RYK: variants seen among roughly 807,000 people sequenced by gnomAD.
The protein encoded by RYK is receptor like tyrosine kinase, also known as inactive tyrosine-protein kinase RYK.
RYK carries 21 observed loss-of-function variants against 70.2 expected under a neutral mutation model. The observed-to-expected ratio is 0.30, with a 90% CI of 0.21 to 0.43. The LOEUF (loss-of-function observed/expected upper bound fraction) is 0.43. RYK is among the 20% of genes least tolerant of loss of function. The pLI is 1.00. For synonymous variants in RYK, 267 were observed against 278.0 expected, an observed-to-expected ratio of 0.96 and a Z score of 0.39; for missense variants, 604 against 753.3, an observed-to-expected ratio of 0.80 and a Z score of 2.32.
At chr3:134,219,514 A>G (rs955722806) in intron 2 of RYK, among the ~76,000 whole-genome samples, 3 of 152,194 alleles carry the variant, frequency 2.0e-5, no homozygotes, top group African/African-American at 7.2e-5. Flanking sequence ...TTCAAAGTCA[A>G]TAGAAGTACC....
chr3:134,204,596 CACACA>C lies in RYK; in HGVS notation c.644-1727_644-1723del, dbSNP rs1176339536. Among the ~76,000 whole-genome samples, 7 of 84,780 alleles carry C rather than the reference CACACA, an allele frequency of 8.3e-5. No homozygotes were observed. The East Asian group carries it at 7.8e-3, about 94-fold the overall frequency. 55.6% of individuals were successfully genotyped at this position (84,780 alleles called of 152,430 possible). A position where few individuals can be genotyped will look rare whatever the true frequency, so the allele number is the denominator to read the frequency against. On this transcript the variant is annotated intron_variant, in intron 5 of 14. Transcript: ENST00000623711. ...ACCCAATGACACAGCCACAGCCACA[CACACA>C]CACACACACACACACACACACACAC...
At chr3:134,213,238 G>C (rs1420242805) in intron 2 of RYK, among the ~76,000 whole-genome samples, 3 of 152,158 alleles carry the variant, frequency 2.0e-5, no homozygotes, top group Non-Finnish European at 4.4e-5. Context: ...AAAGAAATCA[G>C]CACCGCCAGC....
chr3:134,174,111 T>A (rs965925794), intron 13 of RYK, among the ~76,000 whole-genome samples: 6 of 152,084 alleles, frequency 3.9e-5, no homozygotes, highest in African/African-American at 1.4e-4. Flanking sequence ...AAGAAGGTGG[T>A]ATGAACTTGG....
intron 1 of RYK, among the ~76,000 whole-genome samples, chr3:134,237,014 G>A (rs1413532799): frequency 6.6e-6 from 1 of 152,096 alleles, no homozygotes; most frequent in Non-Finnish European, 1.5e-5. Flanking sequence ...TAGAAAGCAT[G>A]GCATTTTTTC....
At chr3:134,197,511 TTATAG>T (rs1379229134) in intron 6 of RYK, among the ~76,000 whole-genome samples, 1 of 152,240 alleles carries the variant, frequency 6.6e-6, no homozygotes, top group African/African-American at 2.4e-5. Context: ...TGTTACTAAT[TTATAG>T]TATACTACTA....
chr3:134,171,385 C>T (rs760361227), intron 13 of RYK, among the ~76,000 whole-genome samples: 6 of 152,204 alleles, frequency 3.9e-5, no homozygotes, highest in East Asian at 1.9e-4. Context: ...AGAGACTCAA[C>T]GCTCTTGGAG....
intron 3 of RYK, 148 bp downstream of exon 3, chr3:134,211,360 A>G (rs999292961): frequency 1.4e-5 from 7 of 504,576 alleles, no homozygotes; most frequent in Non-Finnish European, 2.4e-5. Flanking sequence ...CACAGTGCAA[A>G]TATTTACAAA....
intron 7 of RYK, 45 bp downstream of exon 7, chr3:134,195,036 AT>A: frequency 7.6e-7 from 1 of 1,322,936 alleles, no homozygotes; most frequent in South Asian, 1.2e-5. Flanking sequence ...GGGAAGCAGC[AT>A]AGACAACTTG....
chr3:134,217,189 A>AG (rs1263101716), intron 2 of RYK, among the ~76,000 whole-genome samples: 1 of 152,242 alleles, frequency 6.6e-6, no homozygotes, highest in Non-Finnish European at 1.5e-5. Flanking sequence ...GACACATATC[A>AG]GGGAGCCTGC....
intron 9 of RYK, among the ~76,000 whole-genome samples, chr3:134,187,120 T>C (rs937436800): frequency 3.3e-5 from 5 of 152,306 alleles, no homozygotes; most frequent in Non-Finnish European, 5.9e-5. Flanking sequence ...TTGAATGATA[T>C]AGTAAATTAA....
chr3:134,233,937 A>C (rs1000986863), intron 1 of RYK, among the ~76,000 whole-genome samples: 1 of 152,198 alleles, frequency 6.6e-6, no homozygotes, highest in Non-Finnish European at 1.5e-5. Context: ...GGTATTCAAT[A>C]AACATCCGGT....
At chr3:134,234,111 A>T (rs534354056) in intron 1 of RYK, among the ~76,000 whole-genome samples, 1 of 152,274 alleles carries the variant, frequency 6.6e-6, no homozygotes, top group African/African-American at 2.4e-5. Context: ...TATGAAAGTT[A>T]AGCTGGAAAA....
chr3:134,215,647 C>A (rs2014527815), intron 2 of RYK, among the ~76,000 whole-genome samples: 1 of 152,188 alleles, frequency 6.6e-6, no homozygotes, highest in Non-Finnish European at 1.5e-5. Context: ...TTTAAAGAAA[C>A]AGATCTGCTC....
chr3:134,229,243 G>A (rs1462140084), intron 1 of RYK, among the ~76,000 whole-genome samples: 2 of 151,538 alleles, frequency 1.3e-5, no homozygotes, highest in African/African-American at 2.4e-5. Flanking sequence ...TGGCTCCCTC[G>A]CCCTCTCTCT....
At chr3:134,199,256 C>G (rs1335096230) in intron 6 of RYK, among the ~76,000 whole-genome samples, 1 of 152,212 alleles carries the variant, frequency 6.6e-6, no homozygotes, top group Non-Finnish European at 1.5e-5. Context: ...GCAGTGGCTC[C>G]TAAGTGCCTG....
intron 9 of RYK, 49 bp from the exon 10 acceptor site, chr3:134,183,120 G>T: frequency 9.2e-7 from 1 of 1,091,536 alleles, no homozygotes; most frequent in Non-Finnish European, 1.3e-6. Flanking sequence ...CTACATATAT[G>T]GCATTAACAT....
chr3:134,159,433 G>T, intron 13 of RYK, 60 bp from the exon 14 acceptor site: 1 of 1,481,252 alleles, frequency 6.8e-7, no homozygotes, highest in East Asian at 2.3e-5. Flanking sequence ...GGGGGCTAGC[G>T]CCCACAGCCA....
intron 1 of RYK, among the ~76,000 whole-genome samples, chr3:134,230,630 T>C (rs1488271975): frequency 6.6e-6 from 1 of 152,164 alleles, no homozygotes; most frequent in Non-Finnish European, 1.5e-5. Flanking sequence ...TTTATGGTGA[T>C]AGAAATCAGG....
In RYK at chr3:134,158,041, G is replaced by T; in HGVS notation, c.*112C>A. The T allele has an allele frequency of 2.2e-6, 1 of 456,666 alleles. No homozygotes were observed. Among genetic ancestry groups the T allele is most frequent in the Non-Finnish European group, 3.7e-6 (1 of 268,934 alleles). The allele number at this position is 456,666 out of a possible 1,614,324, so 28.3% of individuals were successfully genotyped here. On this transcript the variant is annotated 3_prime_UTR_variant, in exon 15 of 15. Coordinates refer to ENST00000623711, the MANE Select transcript of RYK (RefSeq NM_002958.4). ...AAGCATTTCTAAGGCACGGTGTTCT[G>T]GAAGACAAATGTGCTTCTGTTGGCG...
Sources: gnomAD v4.1 joint callset for allele counts (sites outside exome capture counted in the v4.1 genomes callset) on GRCh38, gnomAD v4.1.1 for gene constraint, MANE v1.5 for transcripts, NCBI Gene and HGNC (gene_info 2026-07-23, HGNC 2026-07-21) for gene names.